The following RUBCN variants were observed in gnomAD, a reference collection of about 807,000 sequenced individuals.
RUBCN encodes run domain Beclin-1-interacting and cysteine-rich domain-containing protein.
Under a neutral mutation model 113.2 loss-of-function variants are expected in RUBCN, and 74 were observed. The ratio of observed to expected loss-of-function variants is 0.65; its 90% CI spans 0.54 to 0.79. RUBCN has a LOEUF of 0.79. Ranked by LOEUF, RUBCN falls within the 30% of genes least tolerant of loss-of-function variation. RUBCN has a pLI of 0.00. For missense variants in RUBCN, 1,109 were observed against 1,251.7 expected (o/e 0.89, Z 1.72); for synonymous variants, 480 against 490.0 (o/e 0.98, Z 0.27).
chr3:197,732,309 C>T (rs1727607647), intron 1 of RUBCN, among the ~76,000 whole-genome samples: 1 of 152,142 alleles, frequency 6.6e-6, no homozygotes, highest in Admixed American at 6.6e-5. Context: ...AGCAGTTTAC[C>T]AGTCTAGTAG....
chr3:197,679,362 T>C (rs180925311), intron 16 of RUBCN, among the ~76,000 whole-genome samples: 23 of 150,228 alleles, frequency 1.5e-4, no homozygotes, highest in African/African-American at 5.2e-4. Flanking sequence ...GACTGACAAC[T>C]GGCTTTAGAC....
In RUBCN at chr3:197,683,508, G is replaced by T; in HGVS notation, c.1848-69C>A. The T allele has an allele frequency of 6.3e-7, 1 of 1,579,796 alleles. No homozygotes were observed. Among genetic ancestry groups the T allele is most frequent in the Non-Finnish European group, 8.7e-7 (1 of 1,154,198 alleles). On this transcript the variant is annotated intron_variant, in intron 12 of 19. Coordinates refer to ENST00000296343, the MANE Select transcript of RUBCN (RefSeq NM_014687.4). The surrounding 1 kb of genome is among the most constrained non-coding windows in gnomAD (Gnocchi z 4.6). ...TGGGCGATGCGAGGCTTCCCTTCAT[G>T]ATCTCATCCCCCACGCAGCAACTTC...
chr3:197,696,832 G>A, intron 8 of RUBCN, 122 bp downstream of exon 8: 1 of 680,888 alleles, frequency 1.5e-6, no homozygotes, highest in Non-Finnish European at 2.7e-6. Flanking sequence ...AAGAGTGACT[G>A]AGACTGTAAC....
rs1326605350 is a variant in RUBCN, at chr3:197,675,307, G to C, written c.2741-111C>G. The stretch of plus-strand genomic sequence containing the variant: ...CGCCACCAAGGCGTGGTGTCCCCTG[G>C]GGAGGCCCCGCGAGGTGCTGAGTGG... On this transcript the variant is annotated intron_variant, in intron 19 of 19. Coordinates refer to ENST00000296343, the MANE Select transcript of RUBCN (RefSeq NM_014687.4). This position sits in a 1 kb window ranked among gnomAD's most constrained non-coding sequence, Gnocchi z 4.4. 2 of 1,517,644 alleles carry C rather than the reference G, an allele frequency of 1.3e-6. No individual in the cohort carries two copies. The highest frequency in any genetic ancestry group is 9.1e-7 in the Non-Finnish European group (1 of 1,094,178). 94.0% of individuals were successfully genotyped at this position (1,517,644 alleles called of 1,614,324 possible).
In RUBCN at chr3:197,684,169, G is replaced by A. The variant is rs1334210778; in HGVS notation, c.1835C>T (p.Ser612Phe). 1 of 1,612,132 alleles carries A rather than the reference G, an allele frequency of 6.2e-7. No homozygotes were observed. The highest frequency in any genetic ancestry group is 8.5e-7 in the Non-Finnish European group (1 of 1,178,348). The change falls in exon 12 of 20, where the codon TCC becomes TTC. Residue 612 changes from serine (S) to phenylalanine (F), a missense_variant. Coordinates refer to ENST00000296343, the MANE Select transcript of RUBCN (RefSeq NM_014687.4). ...NTASSSKSFV[S>F]SQSFSHCFLH... ...AAAAAGTACTCACAAGGACTGGGAG[G>A]AAACGAAGGATTTGCTGCTTGAGGC...
At chr3:197,737,752 A>G (rs1271404875), upstream of RUBCN, among the ~76,000 whole-genome samples, 1 of 152,214 alleles carries the variant, frequency 6.6e-6, no homozygotes, top group Non-Finnish European at 1.5e-5. Context: ...TGGGGCAGAT[A>G]TAATACTATA....
At chr3:197,743,406 G>A (rs1003029997) in intron 1 of RUBCN, among the ~76,000 whole-genome samples, 8 of 152,230 alleles carry the variant, frequency 5.3e-5, no homozygotes, top group Non-Finnish European at 1.0e-4. Context: ...CTAGCACAGT[G>A]TCTTGCACAT....
intron 7 of RUBCN, among the ~76,000 whole-genome samples, chr3:197,699,452 G>A (rs536146523): frequency 3.7e-4 from 56 of 152,264 alleles, no homozygotes; most frequent in Non-Finnish European, 7.5e-4. Flanking sequence ...CTTTTTCCAA[G>A]GCAGGATTCC....
rs748809353 is a variant in RUBCN, at chr3:197,681,835, C to T, written c.2191G>A (p.Asp731Asn). ...CAGCGIRTDP[D>N]YIKRLRYCEY... is the part of the protein sequence containing the mutation. ...CATGGTGGGAAGGGAAGGCACTCAC[C>T]AGGGTCAGTCCGGATGCCACATCCT... Residue 731 changes from aspartate to asparagine, a missense_variant and splice_region_variant, in exon 15 of 20, where the codon GAT becomes AAT. Transcript: ENST00000296343. This position sits in a 1 kb window ranked among gnomAD's most constrained non-coding sequence, Gnocchi z 5.5. 1 of 1,613,850 alleles carries T rather than the reference C, an allele frequency of 6.2e-7. No homozygotes were observed. The highest frequency in any genetic ancestry group is 1.7e-5 in the Admixed American group (1 of 59,998).
intron 1 of RUBCN, among the ~76,000 whole-genome samples, chr3:197,747,200 T>C (rs886810911): frequency 6.6e-6 from 1 of 152,158 alleles, no homozygotes; most frequent in African/African-American, 2.4e-5. Context: ...TCACTCTTGC[T>C]TTCTTGCCTT....
chr3:197,747,915 A>G (rs1045932680), intron 1 of RUBCN, among the ~76,000 whole-genome samples: 1 of 151,018 alleles, frequency 6.6e-6, no homozygotes, highest in African/African-American at 2.4e-5. Context: ...TGGGCCCACA[A>G]CCCAGTTTCT....
chr3:197,718,747 A>G (rs991041349), intron 1 of RUBCN, among the ~76,000 whole-genome samples: 3 of 152,170 alleles, frequency 2.0e-5, no homozygotes, highest in African/African-American at 7.2e-5. Context: ...CCTAAGATCC[A>G]TTTCTTAACA....
intron 2 of RUBCN, among the ~76,000 whole-genome samples, chr3:197,709,220 G>GT (rs1389226171): frequency 6.6e-6 from 1 of 152,168 alleles, no homozygotes; most frequent in South Asian, 2.1e-4. Flanking sequence ...TGCATAAGCA[G>GT]TTTTTTCCTG....
At chr3:197,740,699 C>T (rs1728492123), upstream of RUBCN, among the ~76,000 whole-genome samples, 1 of 151,700 alleles carries the variant, frequency 6.6e-6, no homozygotes, top group Non-Finnish European at 1.5e-5. Flanking sequence ...CAGCTCACTG[C>T]AACCTGTGCC....
intron 1 of RUBCN, among the ~76,000 whole-genome samples, chr3:197,735,199 C>A (rs1201069873): frequency 6.6e-6 from 1 of 152,156 alleles, no homozygotes; most frequent in African/African-American, 2.4e-5. Flanking sequence ...GAGTTAGAGA[C>A]CAGCCTGGGC....
intron 11 of RUBCN, among the ~76,000 whole-genome samples, chr3:197,691,301 T>G (rs1722397134): frequency 6.6e-6 from 1 of 152,212 alleles, no homozygotes; most frequent in Non-Finnish European, 1.5e-5. Context: ...AGGTGCTCAC[T>G]CTAGCTTGGA....
chr3:197,699,213 G>GTGA (rs1560431272), intron 7 of RUBCN: 2 of 1,550,152 alleles, frequency 1.3e-6, no homozygotes, highest in South Asian at 2.4e-5. Context: ...AACTATAATG[G>GTGA]TGATATTCCT....
At chr3:197,735,738 A>G (rs999969685) in intron 1 of RUBCN, among the ~76,000 whole-genome samples, 2 of 151,854 alleles carry the variant, frequency 1.3e-5, no homozygotes, top group African/African-American at 2.4e-5. Context: ...ACCACAGGTG[A>G]GCACCACCAC....
At chr3:197,711,520 A>G (rs552480356) in intron 2 of RUBCN, among the ~76,000 whole-genome samples, 2 of 152,334 alleles carry the variant, frequency 1.3e-5, no homozygotes, top group East Asian at 1.9e-4. Flanking sequence ...ATCATTGGTA[A>G]TTGCTTTTAT....
Sources: allele counts gnomAD v4.1 joint callset (sites outside exome capture counted in the v4.1 genomes callset), GRCh38; gene constraint gnomAD v4.1.1; non-coding constraint Gnocchi (gnomAD v3.1); transcripts MANE v1.5; gene names NCBI Gene and HGNC (gene_info 2026-07-23, HGNC 2026-07-21).